The following CBX1 variants were observed in gnomAD, a reference collection of about 807,000 sequenced individuals.
CBX1 encodes the protein chromobox 1.
CBX1 carries 10 observed loss-of-function variants against 25.1 expected under a neutral mutation model. The ratio of observed to expected loss-of-function variants is 0.40; its 90% CI spans 0.25 to 0.68. CBX1 has a LOEUF of 0.68. CBX1 is among the 30% of genes least tolerant of loss of function. The pLI is 0.40. For synonymous variants in CBX1, 63 were observed against 79.4 expected, an observed-to-expected ratio of 0.79 and a Z score of 1.10; for missense variants, 106 against 218.5, an observed-to-expected ratio of 0.49 and a Z score of 3.25.
At chr17:48,077,093 A>G (rs1180428017) in intron 1 of CBX1, 52 bp from the exon 2 acceptor site, 1 of 1,409,008 alleles carries the variant, frequency 7.1e-7, no homozygotes, top group Non-Finnish European at 9.7e-7. Flanking sequence ...CTTATTGGTT[A>G]GATAATATCT....
chr17:48,081,428 C>A lies in CBX1; in HGVS notation c.-37-4387G>T, dbSNP rs2144442728. Among the ~76,000 whole-genome samples the A allele has an allele frequency of 1.3e-5, 2 of 152,238 alleles. 1 individual carries two copies. The highest frequency in any genetic ancestry group is 6.8e-3 in the Middle Eastern group (2 of 294). ...AATCTAAAGTAAAGCATTCTCATGA[C>A]TTCGATCTTTACTCACTTTTATTTT... is the stretch of plus-strand genomic sequence containing the variant. On this transcript the variant is annotated intron_variant, in intron 1 of 4. Transcript: ENST00000225603.
At chr17:48,084,820 G>A (rs1161294053) in intron 1 of CBX1, among the ~76,000 whole-genome samples, 2 of 149,980 alleles carry the variant, frequency 1.3e-5, no homozygotes, top group Non-Finnish European at 2.9e-5. Context: ...TGAGGCAGGA[G>A]AATGGTGTGA....
intron 3 of CBX1, among the ~76,000 whole-genome samples, chr17:48,075,625 A>G (rs2037668283): frequency 6.6e-6 from 1 of 151,952 alleles, no homozygotes; most frequent in Non-Finnish European, 1.5e-5. Context: ...AGGGACATAC[A>G]GCCCAAGCAA....
At chr17:48,098,067 C>T (rs2063385171) in intron 1 of CBX1, among the ~76,000 whole-genome samples, 1 of 152,004 alleles carries the variant, frequency 6.6e-6, no homozygotes, top group Admixed American at 6.6e-5. Context: ...CTGAAGCTAA[C>T]CATTCTGGGC....
intron 1 of CBX1, chr17:48,100,839 G>A (rs929094079): frequency 1.0e-6 from 1 of 985,694 alleles, no homozygotes; most frequent in Non-Finnish European, 1.2e-6. Flanking sequence ...GGCAGTCCCA[G>A]CCGGACCCGG....
chr17:48,098,610 G>C (rs1008941910), intron 1 of CBX1, among the ~76,000 whole-genome samples: 11 of 152,160 alleles, frequency 7.2e-5, no homozygotes, highest in African/African-American at 2.7e-4. Context: ...CGATTCTCCT[G>C]CCTCAGCCTC....
At chr17:48,095,361 A>C (rs2063368434) in intron 1 of CBX1, among the ~76,000 whole-genome samples, 1 of 152,034 alleles carries the variant, frequency 6.6e-6, no homozygotes, top group African/African-American at 2.4e-5. Context: ...AGGCTGAGGC[A>C]GGCAGATCTC....
In CBX1 at chr17:48,077,430, GTTGTTTTTTT is replaced by G. The variant is rs2037685465; in HGVS notation, c.-37-399_-37-390del. Among the ~76,000 whole-genome samples, 8 of 56,456 alleles carry G rather than the reference GTTGTTTTTTT, an allele frequency of 1.4e-4. 1 individual carries two copies. The highest frequency in any genetic ancestry group is 8.0e-4 in the African/African-American group (8 of 10,026). 37.0% of individuals were successfully genotyped at this position (56,456 alleles called of 152,430 possible). ...GTGCCACCAAGCCCAGCTAATTTTTGTTGTTTTTTTTTTTGTTTTTTTTGTTTTTTTTTTT... is the reference window on the plus strand; with the variant it reads ...GTGCCACCAAGCCCAGCTAATTTTTGTTTTGTTTTTTTTGTTTTTTTTTTT... On this transcript the variant is annotated intron_variant, in intron 1 of 4. Transcript: ENST00000225603.
In CBX1 at chr17:48,100,074, G is replaced by A. The variant is rs1019370831; in HGVS notation, c.-38+1194C>T. On this transcript the variant is annotated intron_variant, in intron 1 of 4. Coordinates refer to ENST00000225603, the MANE Select transcript of CBX1 (RefSeq NM_001127228.2). ...GAATCGCATGAATCCGGGAGGTGGAGGTTGCAGTGAGCCAAGATCGCACCA... is the reference window on the plus strand; with the variant it reads ...GAATCGCATGAATCCGGGAGGTGGAAGTTGCAGTGAGCCAAGATCGCACCA... Among the ~76,000 whole-genome samples, 12 of 136,098 alleles carry A rather than the reference G, an allele frequency of 8.8e-5. No individual in the cohort carries two copies. The Admixed American group carries it at 1.1e-3, about 12-fold the overall frequency. The allele number at this position is 136,098 out of a possible 152,430, so 89.3% of individuals were successfully genotyped here.
chr17:48,093,232 G>A (rs1236182359), intron 1 of CBX1, among the ~76,000 whole-genome samples: 1 of 149,096 alleles, frequency 6.7e-6, no homozygotes, highest in African/African-American at 2.5e-5. Flanking sequence ...GCCAGATCAC[G>A]ACACTGCATT....
chr17:48,077,430 GTTGTTTTT>G (rs2037685418), intron 1 of CBX1, among the ~76,000 whole-genome samples: 1 of 56,456 alleles, frequency 1.8e-5, no homozygotes, highest in African/African-American at 1.0e-4. Flanking sequence ...GCTAATTTTT[GTTGTTTTT>G]TTTTTTGTTT....
intron 1 of CBX1, among the ~76,000 whole-genome samples, chr17:48,077,324 C>G (rs2037684087): frequency 6.6e-6 from 1 of 150,740 alleles, no homozygotes; most frequent in African/African-American, 2.5e-5. Context: ...GTGGCGCAAT[C>G]TCGGCTTACT....
At chr17:48,091,185 AGACCTC>A (rs1471930860) in intron 1 of CBX1, among the ~76,000 whole-genome samples, 4 of 152,340 alleles carry the variant, frequency 2.6e-5, no homozygotes, top group Admixed American at 2.6e-4. Context: ...CCAGGTGGAA[AGACCTC>A]GACTAGACTG....
intron 1 of CBX1, among the ~76,000 whole-genome samples, chr17:48,090,323 A>C (rs2063337891): frequency 6.6e-6 from 1 of 152,110 alleles, no homozygotes; most frequent in East Asian, 1.9e-4. Flanking sequence ...CTCAGTTTTT[A>C]TTTACATGTA....
At chr17:48,083,124 C>T (rs1423535533) in intron 1 of CBX1, among the ~76,000 whole-genome samples, 2 of 150,214 alleles carry the variant, frequency 1.3e-5, no homozygotes, top group African/African-American at 2.5e-5. Context: ...CCTCAGCCTC[C>T]CAAAGTGCTG....
At chr17:48,093,832 G>A (rs746866915) in intron 1 of CBX1, among the ~76,000 whole-genome samples, 9 of 152,072 alleles carry the variant, frequency 5.9e-5, no homozygotes, top group Non-Finnish European at 1.3e-4. Context: ...AAGAAGTGTG[G>A]GCTTAGGCCC....
At chr17:48,093,691 G>A (rs112420220) in intron 1 of CBX1, among the ~76,000 whole-genome samples, 32 of 152,166 alleles carry the variant, frequency 2.1e-4, no homozygotes, top group Non-Finnish European at 4.0e-4. Flanking sequence ...TATATTCTTC[G>A]GTTCTTATTC....
chr17:48,079,475 T>C (rs773789215), intron 1 of CBX1, among the ~76,000 whole-genome samples: 2 of 151,694 alleles, frequency 1.3e-5, no homozygotes, highest in Non-Finnish European at 2.9e-5. Context: ...TGTTAACTTA[T>C]TGTATTTAGT....
At chr17:48,073,911 C>T (rs1234394491) in intron 4 of CBX1, among the ~76,000 whole-genome samples, 1 of 150,912 alleles carries the variant, frequency 6.6e-6, no homozygotes, top group Non-Finnish European at 1.5e-5. Flanking sequence ...GTAACTCACA[C>T]TGGTCACATG....
Sources: gnomAD v4.1 joint callset for allele counts (sites outside exome capture counted in the v4.1 genomes callset) on GRCh38, gnomAD v4.1.1 for gene constraint, MANE v1.5 for transcripts, NCBI Gene and HGNC (gene_info 2026-07-23, HGNC 2026-07-21) for gene names.